LRP1B: variants seen among roughly 807,000 people sequenced by gnomAD.
The protein encoded by LRP1B is low-density lipoprotein receptor-related protein 1B.
In LRP1B, 217 loss-of-function variants were observed where a neutral mutation model predicts 556.6. That is an observed-to-expected ratio of 0.39 (90% CI 0.35 to 0.44). The LOEUF (loss-of-function observed/expected upper bound fraction) is 0.44, where lower values mean the gene tolerates loss of function less well. Among genes scored for constraint, LRP1B ranks in the 20% least tolerant of loss-of-function variants. The pLI is 1.00. For missense variants in LRP1B, 5,053 were observed against 5,620.8 expected, an observed-to-expected ratio of 0.90 and a Z score of 3.23; for synonymous variants, 2,047 against 1,865.8, an observed-to-expected ratio of 1.10 and a Z score of -2.50.
intron 1 of LRP1B, among the ~76,000 whole-genome samples, chr2:142,119,743 T>C (rs1012353146): frequency 2.0e-5 from 3 of 152,152 alleles, no homozygotes; most frequent in Non-Finnish European, 2.9e-5. Flanking sequence ...CTCCTTTGTC[T>C]TTCTTTGCCT....
chr2:141,803,167 T>G (rs1696064234), intron 2 of LRP1B, among the ~76,000 whole-genome samples: 1 of 151,314 alleles, frequency 6.6e-6, no homozygotes, highest in South Asian at 2.1e-4. Context: ...ATTGCTGAGC[T>G]CGTATGCCTG....
intron 3 of LRP1B, among the ~76,000 whole-genome samples, chr2:141,390,372 A>G (rs1196290274): frequency 6.6e-6 from 1 of 152,240 alleles, no homozygotes; most frequent in Non-Finnish European, 1.5e-5. Flanking sequence ...TTTCACCTGG[A>G]GTAAAAAACG....
intron 63 of LRP1B, among the ~76,000 whole-genome samples, chr2:140,447,336 T>C (rs1012647503): frequency 6.6e-6 from 1 of 151,898 alleles, no homozygotes; most frequent in Non-Finnish European, 1.5e-5. Flanking sequence ...TAGAAGATAT[T>C]GGAGGTTCAG....
At chr2:140,691,653 CA>C (rs1191425992) in intron 41 of LRP1B, among the ~76,000 whole-genome samples, 1 of 151,998 alleles carries the variant, frequency 6.6e-6, no homozygotes, top group Non-Finnish European at 1.5e-5. Context: ...AAACAAAAGT[CA>C]ATGTCTATAA....
At chr2:140,516,796 G>T (rs2104938155) in intron 50 of LRP1B, 93 bp downstream of exon 50, 1 of 1,131,300 alleles carries the variant, frequency 8.8e-7, no homozygotes, top group Non-Finnish European at 1.3e-6. Context: ...AAAATCAGCT[G>T]ACAATGTTTT....
intron 75 of LRP1B, among the ~76,000 whole-genome samples, chr2:140,353,386 A>G (rs562688570): frequency 1.3e-4 from 19 of 151,878 alleles, no homozygotes; most frequent in African/African-American, 4.1e-4. Context: ...TTACCTTTTA[A>G]GTTCATGGAT....
At chr2:140,949,496 T>G (rs1695640853) in intron 20 of LRP1B, among the ~76,000 whole-genome samples, 1 of 152,206 alleles carries the variant, frequency 6.6e-6, no homozygotes, top group Non-Finnish European at 1.5e-5. Context: ...AGTCAGTCAG[T>G]TGGAAATACA....
chr2:141,306,041 T>C (rs756257029), intron 3 of LRP1B, among the ~76,000 whole-genome samples: 2 of 152,190 alleles, frequency 1.3e-5, no homozygotes, highest in Non-Finnish European at 2.9e-5. Context: ...AATTGGCCTG[T>C]AGTTTTCTTT....
At position 140,701,837 on chromosome 2, in the gene LRP1B, G is replaced by T; in HGVS notation, c.6311C>A (p.Ala2104Glu). 10 of 1,612,800 alleles carry T rather than the reference G, an allele frequency of 6.2e-6. No homozygotes were observed. The highest frequency in any genetic ancestry group is 8.5e-6 in the Non-Finnish European group (10 of 1,179,262). ...GTGGCCCCTTCTGACAGACCCGTTT[G>T]CATGTGCTCTGCCAAAAAGTTGAAC... ...AYIYWSDRAH[A>E]NGSVRRGHKN... Residue 2104 changes from alanine to glutamate, a missense_variant, in exon 40 of 91, where the codon GCA (alanine) becomes GAA (glutamate). Around this residue, in one of 5 missense-constraint regions of LRP1B, gnomAD observed 3,619 missense variants for 3,931.9 expected, o/e 0.92. Coordinates refer to ENST00000389484, the MANE Select transcript of LRP1B (RefSeq NM_018557.3).
chr2:141,291,651 T>C (rs1035824616), intron 3 of LRP1B, among the ~76,000 whole-genome samples: 1 of 151,992 alleles, frequency 6.6e-6, no homozygotes, highest in Admixed American at 6.6e-5. Flanking sequence ...GGTCAGGATA[T>C]CGAGACCATC....
chr2:142,009,638 C>T (rs1467642616), intron 1 of LRP1B, among the ~76,000 whole-genome samples: 1 of 152,132 alleles, frequency 6.6e-6, no homozygotes, highest in African/African-American at 2.4e-5. Context: ...TCAAGGGCAT[C>T]TTCAGTCTGT....
intron 43 of LRP1B, among the ~76,000 whole-genome samples, chr2:140,580,410 A>G (rs1681714111): frequency 6.6e-6 from 1 of 152,200 alleles, no homozygotes; most frequent in Non-Finnish European, 1.5e-5. Flanking sequence ...AATTGCAGAA[A>G]TGCTCTCAGG....
chr2:140,425,694 C>T (rs573859283), intron 66 of LRP1B, among the ~76,000 whole-genome samples: 13 of 152,280 alleles, frequency 8.5e-5, no homozygotes, highest in African/African-American at 3.1e-4. Flanking sequence ...GAGTGAGCCA[C>T]CGTACCCGTC....
At chr2:141,046,956 C>G (rs975390596) in intron 11 of LRP1B, among the ~76,000 whole-genome samples, 1 of 152,030 alleles carries the variant, frequency 6.6e-6, no homozygotes, top group Non-Finnish European at 1.5e-5. Context: ...ATGGTGCACA[C>G]CTGCAATCCC....
chr2:141,606,661 G>A (rs1247356577), intron 2 of LRP1B, among the ~76,000 whole-genome samples: 1 of 152,068 alleles, frequency 6.6e-6, no homozygotes, highest in East Asian at 1.9e-4. Flanking sequence ...AGACATCAAG[G>A]GTATGCAAAC....
chr2:141,250,294 G>A (rs761987111), intron 4 of LRP1B, among the ~76,000 whole-genome samples: 17 of 152,224 alleles, frequency 1.1e-4, no homozygotes, highest in Non-Finnish European at 2.1e-4. Flanking sequence ...CTGGGGGCTG[G>A]TCATGAAAAT....
At chr2:140,419,387 G>A (rs1373081644) in intron 66 of LRP1B, among the ~76,000 whole-genome samples, 1 of 152,094 alleles carries the variant, frequency 6.6e-6, no homozygotes, top group East Asian at 1.9e-4. Context: ...ATAAGTGTTA[G>A]AATAAGTACA....
In LRP1B at chr2:141,846,731, A is replaced by G. The variant is rs560019630; in HGVS notation, c.83-36330T>C. Among the ~76,000 whole-genome samples, 6 of 151,604 alleles carry G rather than the reference A, an allele frequency of 4.0e-5. No individual in the cohort carries two copies. The South Asian group carries it at 1.2e-3, about 31-fold the overall frequency. On this transcript the variant is annotated intron_variant, in intron 1 of 90. Coordinates refer to ENST00000389484, the MANE Select transcript of LRP1B (RefSeq NM_018557.3). ...ATATAAAATATTAATGACCTAAAGT[A>G]TCCATCACATTCTCACCCGGAATGA...
intron 66 of LRP1B, among the ~76,000 whole-genome samples, chr2:140,442,245 TG>T (rs1285905918): frequency 6.6e-6 from 1 of 152,182 alleles, no homozygotes; most frequent in East Asian, 1.9e-4. Flanking sequence ...AAGAAGATAA[TG>T]GTCTTATTCT....
Sources: allele counts gnomAD v4.1 joint callset (sites outside exome capture counted in the v4.1 genomes callset), GRCh38; gene constraint gnomAD v4.1.1; regional missense constraint gnomAD v4.1.1; transcripts MANE v1.5; gene names NCBI Gene and HGNC (gene_info 2026-07-23, HGNC 2026-07-21).